MMP28: variants seen among roughly 807,000 people sequenced by gnomAD.
MMP28 encodes matrix metallopeptidase 28.
Under a neutral mutation model 60.5 loss-of-function variants are expected in MMP28, and 55 were observed. The observed-to-expected ratio is 0.91, with a 90% CI of 0.73 to 1.14. The LOEUF (loss-of-function observed/expected upper bound fraction) is 1.14. MMP28 is among the 50% of genes most tolerant of loss of function. MMP28 has a pLI of 0.00. For missense variants in MMP28, 686 were observed against 738.3 expected (o/e 0.93, Z 0.82); for synonymous variants, 318 against 312.5 (o/e 1.02, Z -0.18).
chr17:35,772,241 G>A (rs763459237), intron 4 of MMP28, among the ~76,000 whole-genome samples: 11 of 152,306 alleles, frequency 7.2e-5, no homozygotes, highest in East Asian at 3.9e-4. Flanking sequence ...AAAAGACAAA[G>A]TATCTGTCCC....
intron 1 of MMP28, among the ~76,000 whole-genome samples, chr17:35,786,545 G>A (rs1460934473): frequency 1.3e-5 from 2 of 151,936 alleles, no homozygotes; most frequent in Non-Finnish European, 2.9e-5. Context: ...TATCATTCAA[G>A]TGTATCTTTG....
In MMP28 at chr17:35,795,535, C is replaced by T. The variant is rs2086947337; in HGVS notation, c.-158G>A. 2 of 440,892 alleles carry T rather than the reference C, an allele frequency of 4.5e-6. No individual in the cohort carries two copies. The highest frequency in any genetic ancestry group is 4.5e-5 in the Admixed American group (1 of 22,456). 27.3% of individuals were successfully genotyped at this position (440,892 alleles called of 1,614,324 possible). A position where few individuals can be genotyped will look rare whatever the true frequency, so the allele number is the denominator to read the frequency against. On this transcript the variant is annotated 5_prime_UTR_variant, in exon 1 of 8. Coordinates refer to ENST00000605424, the MANE Select transcript of MMP28 (RefSeq NM_024302.5). Reference sequence around the variant, plus strand: ...GTTTCGCCAGTGCCCTAGCTGCGCGCTCTGGGCCGCTCCTCCGCTGCCCTT... The same window carrying T: ...GTTTCGCCAGTGCCCTAGCTGCGCGTTCTGGGCCGCTCCTCCGCTGCCCTT...
At position 35,790,929 on chromosome 17, in the gene MMP28, T is replaced by C. The variant is rs1279053460; in HGVS notation, c.111+4338A>G. Among the ~76,000 whole-genome samples the C allele has an allele frequency of 2.0e-5, 3 of 150,938 alleles. No individual in the cohort carries two copies. In the South Asian group the frequency reaches 6.4e-4, roughly 32 times the overall value. On this transcript the variant is annotated intron_variant, in intron 1 of 7. Transcript: ENST00000605424. ...TAAATGTGTAGAGACAGGGTCTCTCTATGTTGCCCAGGCTGCTCTCAAACT... is the reference window on the plus strand; with the variant it reads ...TAAATGTGTAGAGACAGGGTCTCTCCATGTTGCCCAGGCTGCTCTCAAACT...
At chr17:35,773,481 C>T in intron 3 of MMP28, 77 bp from the exon 4 acceptor site, 1 of 1,317,242 alleles carries the variant, frequency 7.6e-7, no homozygotes, top group South Asian at 1.4e-5. Flanking sequence ...AGTAGGATGG[C>T]GAGGGGTAGG....
At chr17:35,772,433 C>T (rs895652180) in intron 4 of MMP28, among the ~76,000 whole-genome samples, 1 of 152,216 alleles carries the variant, frequency 6.6e-6, no homozygotes, top group Non-Finnish European at 1.5e-5. Flanking sequence ...TAACCCAGGT[C>T]TCAGCAGTAG....
rs754124166 is a variant in MMP28, at chr17:35,773,321, C to T, written c.463G>A (p.Val155Met). 24 of 1,613,124 alleles carry T rather than the reference C, an allele frequency of 1.5e-5. No homozygotes were observed. The highest frequency in any genetic ancestry group is 9.3e-5 in the African/African-American group (7 of 74,934). Residue 155 changes from valine to methionine, a missense_variant, in exon 4 of 8, where the codon GTG becomes ATG. Val to Met is a conservative substitution (Grantham distance 21). Transcript: ENST00000605424. ...CTCCACAACTGGAAGGCGGCGCGCA[C>T]GGCGCCCCGAACTGCCGGCTCCGGC... ...HLPEPAVRGA[V>M]RAAFQLWSNV...
chr17:35,763,593 A>T (rs1416478112), downstream of MMP28, among the ~76,000 whole-genome samples: 4 of 151,006 alleles, frequency 2.6e-5, no homozygotes, highest in Non-Finnish European at 4.4e-5. Context: ...GACTTAAAAA[A>T]TTTTTTTGAA....
chr17:35,758,212 T>C (rs1373757694), intron 2 of MMP28: 1 of 152,194 alleles, frequency 6.6e-6, no homozygotes, highest in African/African-American at 2.4e-5. Flanking sequence ...AAACAGTCTC[T>C]TTTGGAGAGA....
intron 1 of MMP28, among the ~76,000 whole-genome samples, chr17:35,793,895 C>T (rs567683446): frequency 2.0e-5 from 3 of 152,192 alleles, no homozygotes; most frequent in South Asian, 2.1e-4. Flanking sequence ...GTCAGGAGTT[C>T]GAGGCCAGCC....
At position 35,794,290 on chromosome 17, in the gene MMP28, G is replaced by C. The variant is rs540089223; in HGVS notation, c.111+977C>G. 2.1e-5 allele frequency among the ~76,000 whole-genome samples: 3 copies of C among 146,198 alleles called. No individual in the cohort carries two copies. The Admixed American group carries it at 2.1e-4, about 10-fold the overall frequency. ...AGACAGAGTCTCACTCTGTCGCCCA[G>C]GTTGCAGTGCAATGGCAGGATCTCG... On this transcript the variant is annotated intron_variant, in intron 1 of 7. Coordinates refer to ENST00000605424, the MANE Select transcript of MMP28 (RefSeq NM_024302.5).
At chr17:35,778,844 G>A (rs776897169) in intron 3 of MMP28, 44 bp downstream of exon 3, 2 of 1,613,886 alleles carry the variant, frequency 1.2e-6, no homozygotes, top group African/African-American at 1.3e-5. Context: ...TTGGCTTCAA[G>A]ACATTGGGAA....
chr17:35,764,832 T>C (rs2085903888), downstream of MMP28: 1 of 495,762 alleles, frequency 2.0e-6, no homozygotes, highest in African/African-American at 2.1e-5. Context: ...GAGCCCAGCA[T>C]AACCTAGAGC....
At chr17:35,795,129 C>G in intron 1 of MMP28, 138 bp downstream of exon 1, 1 of 535,228 alleles carries the variant, frequency 1.9e-6, no homozygotes, top group Non-Finnish European at 3.0e-6. Context: ...TCTTTATGTT[C>G]AAGTGCGAAG....
rs753559326 is a variant in MMP28 at position 35,766,704 on chromosome 17, G to T, written c.1359C>A (p.Pro453=). The stretch of plus-strand genomic sequence containing the variant: ...TGCCTCCCCAGTCCTGCAGACTTCG[G>T]GGGTAGTAGGGCTCCACTTGCAGTC... The part of the protein sequence containing the change: ...RGGLQVEPYY[P]RSLQDWGGIP... The change falls in exon 8 of 8, where the codon CCC becomes CCA. Residue 453 remains proline (P), a synonymous_variant. Coordinates refer to ENST00000605424, the MANE Select transcript of MMP28 (RefSeq NM_024302.5). The surrounding 1 kb of genome is among the most constrained non-coding windows in gnomAD (Gnocchi z 4.3). The T allele has an allele frequency of 1.9e-6, 3 of 1,604,826 alleles. No individual in the cohort carries two copies. The highest frequency in any genetic ancestry group is 1.7e-6 in the Non-Finnish European group (2 of 1,176,074).
At chr17:35,764,490 G>T, downstream of MMP28, 1 of 1,578,618 alleles carries the variant, frequency 6.3e-7, no homozygotes, top group Non-Finnish European at 8.6e-7. Flanking sequence ...GCGCCGCGGG[G>T]GCTGTGCTTG....
downstream of MMP28, chr17:35,764,392 C>T: frequency 1.3e-6 from 2 of 1,494,560 alleles, no homozygotes; most frequent in Non-Finnish European, 8.9e-7. Context: ...GGAGGGGCTG[C>T]CCCAGGCACT....
intron 1 of MMP28, among the ~76,000 whole-genome samples, chr17:35,786,699 C>CAAAAAAAAAAAAAAAAGAAAAAAAAAA (rs2086659804): frequency 1.4e-5 from 1 of 71,068 alleles, no homozygotes; most frequent in Non-Finnish European, 2.8e-5. Flanking sequence ...CCTGTCTCTA[C>CAAAAAAAAAAAAAAAAGAAAAAAAAAA]AAAAAAAAAA....
rs1555603189 is a variant in MMP28, at chr17:35,766,504, A to C, written c.1559T>G (p.Phe520Cys). 6.3e-7 allele frequency: 1 copy of C among 1,589,082 alleles called. No homozygotes were observed. The change falls in exon 8 of 8, where the codon TTC (phenylalanine) becomes TGC (cysteine). Residue 520 changes from phenylalanine (F) to cysteine (C), a missense_variant. Coordinates refer to ENST00000605424, the MANE Select transcript of MMP28 (RefSeq NM_024302.5). This position sits in a 1 kb window ranked among gnomAD's most constrained non-coding sequence, Gnocchi z 4.3. ...CWHANSGSAL[F>C] Reference sequence around the variant, plus strand: ...TTCTGAGGTGAGGAGGTGCCTTCAGAACAGGGCGCTCCCCGAGTTGGCATG... The same window carrying C: ...TTCTGAGGTGAGGAGGTGCCTTCAGCACAGGGCGCTCCCCGAGTTGGCATG...
At chr17:35,793,469 T>C (rs2086874152) in intron 1 of MMP28, among the ~76,000 whole-genome samples, 1 of 152,112 alleles carries the variant, frequency 6.6e-6, no homozygotes. Flanking sequence ...AGAAACAAAG[T>C]GCTTCTCTGA....
Sources: allele counts gnomAD v4.1 joint callset (sites outside exome capture counted in the v4.1 genomes callset), GRCh38; gene constraint gnomAD v4.1.1; non-coding constraint Gnocchi (gnomAD v3.1); transcripts MANE v1.5; gene names NCBI Gene and HGNC (gene_info 2026-07-23, HGNC 2026-07-21).